Variants in LHFPL3 observed in about 807,000 individuals in gnomAD.
LHFPL3 encodes LHFPL tetraspan subfamily member 3 protein.
In LHFPL3, 5 loss-of-function variants were observed where a neutral mutation model predicts 19.3. That is an observed-to-expected ratio of 0.26 (90% confidence interval 0.14 to 0.54). LHFPL3 has a LOEUF of 0.54. Among genes scored for constraint, LHFPL3 ranks in the 20% least tolerant of loss-of-function variants. The probability of loss-of-function intolerance (pLI) is 0.94; values close to 1 mark genes in which losing one functional copy is unlikely to be tolerated. For synonymous variants in LHFPL3, 133 were observed against 126.2 expected (o/e 1.05, Z -0.36); for missense variants, 249 against 307.4 (o/e 0.81, Z 1.42).
intron 1 of LHFPL3, among the ~76,000 whole-genome samples, chr7:104,580,785 C>T (rs972320475): frequency 6.6e-6 from 1 of 152,040 alleles, no homozygotes; most frequent in African/African-American, 2.4e-5. Context: ...ACTCCATATA[C>T]ATTGAATATT....
intron 1 of LHFPL3, among the ~76,000 whole-genome samples, chr7:104,473,816 T>G (rs1584344618): frequency 1.3e-5 from 2 of 152,264 alleles, no homozygotes; most frequent in South Asian, 4.1e-4. Flanking sequence ...ACAAACCATC[T>G]GAAGTCACTG....
chr7:104,495,878 C>CT (rs1319766167), intron 1 of LHFPL3, among the ~76,000 whole-genome samples: 1 of 152,184 alleles, frequency 6.6e-6, no homozygotes. Flanking sequence ...GCTAGATACT[C>CT]TGTGTACATT....
rs1168072552 is a variant in LHFPL3, at chr7:104,736,656, TTC to T, written c.446-13_446-12del. The T allele has an allele frequency of 1.3e-6, 2 of 1,542,186 alleles. No individual in the cohort carries two copies. The highest frequency in any genetic ancestry group is 1.8e-6 in the Non-Finnish European group (2 of 1,123,156). On this transcript the variant is annotated splice_polypyrimidine_tract_variant and intron_variant, in intron 1 of 2. Transcript: ENST00000424859. ...CTTATCTTTTTTGTTTCTTTTGTTT[TTC>T]TCTCTTTCTCTCCAAGCTGCCTGCC...
chr7:104,757,238 C>T (rs1260732948), intron 2 of LHFPL3, among the ~76,000 whole-genome samples: 1 of 152,086 alleles, frequency 6.6e-6, no homozygotes, highest in African/African-American at 2.4e-5. Context: ...ATTGTAAGGC[C>T]TCAAACTATA....
At chr7:104,892,708 CAAA>C (rs35855839) in intron 2 of LHFPL3, among the ~76,000 whole-genome samples, 16 of 68,444 alleles carry the variant, frequency 2.3e-4, no homozygotes, top group Admixed American at 1.7e-4. Context: ...GAGACTGTCT[CAAA>C]AAAAAAAAAA....
At chr7:104,361,875 C>G (rs913325709) in intron 1 of LHFPL3, among the ~76,000 whole-genome samples, 1 of 152,206 alleles carries the variant, frequency 6.6e-6, no homozygotes, top group Admixed American at 6.5e-5. Flanking sequence ...ATTTTCTGCT[C>G]TCTTGACACA....
chr7:104,851,588 T>C (rs1039359588), intron 2 of LHFPL3, among the ~76,000 whole-genome samples: 6 of 152,210 alleles, frequency 3.9e-5, no homozygotes, highest in East Asian at 3.8e-4. Flanking sequence ...TTTGTGAAGA[T>C]TGTTGTGAAT....
chr7:104,631,539 G>T (rs572520794), intron 1 of LHFPL3, among the ~76,000 whole-genome samples: 1 of 152,316 alleles, frequency 6.6e-6, no homozygotes, highest in African/African-American at 2.4e-5. Context: ...GAGGAGGAGG[G>T]TGATTGTTAG....
At chr7:104,625,476 C>T (rs1362186409) in intron 1 of LHFPL3, among the ~76,000 whole-genome samples, 5 of 152,206 alleles carry the variant, frequency 3.3e-5, no homozygotes, top group African/African-American at 7.2e-5. Flanking sequence ...AAGCATGGCA[C>T]ACCAGCAGGG....
At chr7:104,492,172 A>G (rs1793367632) in intron 1 of LHFPL3, among the ~76,000 whole-genome samples, 1 of 152,242 alleles carries the variant, frequency 6.6e-6, no homozygotes, top group African/African-American at 2.4e-5. Flanking sequence ...TTACTTGCGT[A>G]ACAATGCTAT....
intron 2 of LHFPL3, among the ~76,000 whole-genome samples, chr7:104,748,506 C>A (rs1794093603): frequency 7.6e-6 from 1 of 131,634 alleles, no homozygotes; most frequent in African/African-American, 2.8e-5. Flanking sequence ...CGCCTTAGGG[C>A]TGGAGGTGGG....
chr7:104,902,654 C>CGCAT (rs1792512077), intron 2 of LHFPL3, among the ~76,000 whole-genome samples: 1 of 152,036 alleles, frequency 6.6e-6, no homozygotes, highest in Non-Finnish European at 1.5e-5. Flanking sequence ...GGCATGGTGG[C>CGCAT]GCATACCTGT....
rs13242838 is a variant in LHFPL3, at chr7:104,547,303, A to C, written c.446-189372A>C. ...TAGCTCAAAATATGTATAATCAACA[A>C]TAATTAATCATCCTACTTCTAAGTG... On this transcript the variant is annotated intron_variant, in intron 1 of 2. Transcript: ENST00000424859. 2.4e-4 allele frequency among the ~76,000 whole-genome samples: 32 copies of C among 131,272 alleles called. 1 individual carries two copies. The highest frequency in any genetic ancestry group is 1.0e-3 in the East Asian group (4 of 3,966). The allele number at this position is 131,272 out of a possible 152,430, so 86.1% of individuals were successfully genotyped here.
chr7:104,880,459 C>T (rs1428690662), intron 2 of LHFPL3, among the ~76,000 whole-genome samples: 1 of 152,124 alleles, frequency 6.6e-6, no homozygotes, highest in Non-Finnish European at 1.5e-5. Flanking sequence ...TATAGCAACA[C>T]AAACGGAATA....
intron 1 of LHFPL3, among the ~76,000 whole-genome samples, chr7:104,420,787 C>T (rs1314652269): frequency 1.3e-5 from 2 of 151,966 alleles, no homozygotes; most frequent in African/African-American, 2.4e-5. Flanking sequence ...TGGTCTCGAT[C>T]TCCTGACCTC....
chr7:104,546,819 A>C (rs1263633155), intron 1 of LHFPL3, among the ~76,000 whole-genome samples: 3 of 152,176 alleles, frequency 2.0e-5, no homozygotes, highest in African/African-American at 7.2e-5. Context: ...AAGTTACATG[A>C]CCTTGAACAT....
At chr7:104,348,063 T>A (rs560061793) in intron 1 of LHFPL3, among the ~76,000 whole-genome samples, 10 of 152,192 alleles carry the variant, frequency 6.6e-5, no homozygotes, top group Non-Finnish European at 1.3e-4. Context: ...GGAGATCGTA[T>A]CATTTCTGTA....
intron 1 of LHFPL3, among the ~76,000 whole-genome samples, chr7:104,341,276 G>A (rs768435094): frequency 3.9e-5 from 6 of 152,110 alleles, no homozygotes; most frequent in Non-Finnish European, 7.4e-5. Flanking sequence ...TCATTAACAT[G>A]TTAATTCCTC....
chr7:104,443,058 C>A (rs564584834), intron 1 of LHFPL3, among the ~76,000 whole-genome samples: 1 of 152,220 alleles, frequency 6.6e-6, no homozygotes, highest in South Asian at 2.1e-4. Flanking sequence ...ATAGTTTATA[C>A]CTGACAACTG....
Sources: gnomAD v4.1 joint callset for allele counts (sites outside exome capture counted in the v4.1 genomes callset) on GRCh38, gnomAD v4.1.1 for gene constraint, MANE v1.5 for transcripts, NCBI Gene and HGNC (gene_info 2026-07-23, HGNC 2026-07-21) for gene names.